PEAK1: variants seen among roughly 807,000 people sequenced by gnomAD.
PEAK1 encodes the protein inactive tyrosine-protein kinase PEAK1.
In PEAK1, 54 loss-of-function variants were observed where a neutral mutation model predicts 124.7. That is an observed-to-expected ratio of 0.43 (90% confidence interval 0.35 to 0.54). The LOEUF is 0.54. Ranked by LOEUF, PEAK1 falls within the 20% of genes least tolerant of loss-of-function variation. The pLI, the probability that PEAK1 is intolerant of heterozygous loss-of-function variation, is 0.01. For synonymous variants in PEAK1, 719 were observed against 760.0 expected (o/e 0.95, Z 0.89); for missense variants, 2,046 against 2,134.5 (o/e 0.96, Z 0.82).
At chr15:77,367,309 A>C (rs1167111405) in intron 1 of PEAK1, among the ~76,000 whole-genome samples, 3 of 152,180 alleles carry the variant, frequency 2.0e-5, no homozygotes, top group African/African-American at 7.2e-5. Context: ...TATACGATTC[A>C]AGAACAGGTA....
chr15:77,401,655 A>G, intron 1 of PEAK1: 1 of 985,174 alleles, frequency 1.0e-6, no homozygotes, highest in Non-Finnish European at 1.2e-6. Context: ...TAGAACTTCA[A>G]TGGACATTGC....
At chr15:77,250,502 A>T (rs559410272) in intron 6 of PEAK1, among the ~76,000 whole-genome samples, 22 of 151,454 alleles carry the variant, frequency 1.5e-4, no homozygotes, top group African/African-American at 5.3e-4. Flanking sequence ...GCGCAATCTC[A>T]GCTCACTGTA....
chr15:77,314,110 G>A (rs1014626052), intron 2 of PEAK1, among the ~76,000 whole-genome samples: 12 of 151,988 alleles, frequency 7.9e-5, no homozygotes, highest in African/African-American at 2.9e-4. Context: ...TTTGTTTAAA[G>A]CATTACAGTA....
chr15:77,236,416 G>A (rs763039062), intron 6 of PEAK1, among the ~76,000 whole-genome samples: 15 of 152,186 alleles, frequency 9.9e-5, no homozygotes, highest in Non-Finnish European at 1.8e-4. Context: ...TATCGTTTCC[G>A]ACTTGCATGA....
intron 7 of PEAK1, among the ~76,000 whole-genome samples, chr15:77,161,692 G>T (rs944381822): frequency 6.6e-6 from 1 of 152,126 alleles, no homozygotes; most frequent in Non-Finnish European, 1.5e-5. Flanking sequence ...GATAAAAGAG[G>T]CCAGGCGCAG....
At chr15:77,226,044 GATATATATATATATATATAT>G (rs1157824212) in intron 6 of PEAK1, among the ~76,000 whole-genome samples, 21 of 44,988 alleles carry the variant, frequency 4.7e-4, no homozygotes, top group South Asian at 1.5e-3. Context: ...AAAATAAAGG[GATATATATATATATATATAT>G]ATATATATAT....
intron 2 of PEAK1, among the ~76,000 whole-genome samples, chr15:77,324,566 A>G (rs536479624): frequency 6.6e-6 from 1 of 152,336 alleles, no homozygotes; most frequent in East Asian, 1.9e-4. Flanking sequence ...TGAGTAATTT[A>G]TAAAGAAAAG....
intron 2 of PEAK1, among the ~76,000 whole-genome samples, chr15:77,344,165 G>A (rs1266542697): frequency 2.6e-5 from 4 of 152,102 alleles, no homozygotes; most frequent in African/African-American, 4.8e-5. Flanking sequence ...CGCCATCTCC[G>A]CTCACTGCAA....
At chr15:77,187,783 C>T (rs769690062) in intron 6 of PEAK1, among the ~76,000 whole-genome samples, 1 of 152,172 alleles carries the variant, frequency 6.6e-6, no homozygotes, top group Non-Finnish European at 1.5e-5. Flanking sequence ...CAGTGAGGAT[C>T]TATTGCCTAT....
At position 77,180,198 on chromosome 15, in the gene PEAK1, T is replaced by C. The variant is rs375264333; in HGVS notation, c.1729A>G (p.Asn577Asp). ...KSAPTSPTAT[N>D]ISSKTIPVKS... ...ACAGGGATGGTTTTGGAGGAAATGTTTGTAGCTGTGGGTGATGTAGGTGCT... is the reference window on the plus strand; with the variant it reads ...ACAGGGATGGTTTTGGAGGAAATGTCTGTAGCTGTGGGTGATGTAGGTGCT... Residue 577 changes from asparagine (N) to aspartate (D), a missense_variant, in exon 7 of 10, where the codon AAC (asparagine) becomes GAC (aspartate). Physicochemically the swap from Asn to Asp is conservative, Grantham distance 23. Transcript: ENST00000682557. 47 of 1,614,038 alleles carry C rather than the reference T, an allele frequency of 2.9e-5. No individual in the cohort carries two copies. Among genetic ancestry groups the C allele is most frequent in the South Asian group, 1.2e-4 (11 of 91,078 alleles).
At chr15:77,358,896 AAC>A (rs1023489037) in intron 2 of PEAK1, among the ~76,000 whole-genome samples, 1 of 152,234 alleles carries the variant, frequency 6.6e-6, no homozygotes, top group Non-Finnish European at 1.5e-5. Context: ...AGGATAAAAT[AAC>A]AGTCTTTACC....
At chr15:77,323,452 A>G (rs1210172776) in intron 2 of PEAK1, among the ~76,000 whole-genome samples, 2 of 152,236 alleles carry the variant, frequency 1.3e-5, no homozygotes, top group African/African-American at 2.4e-5. Flanking sequence ...ACACAAAATC[A>G]ATGTGCAAAA....
intron 2 of PEAK1, among the ~76,000 whole-genome samples, chr15:77,322,622 T>C (rs1410718547): frequency 1.3e-5 from 2 of 152,100 alleles, no homozygotes; most frequent in African/African-American, 2.4e-5. Flanking sequence ...GGCTCTGAAA[T>C]TGAGGCAATA....
At chr15:77,334,634 T>C (rs373483718) in intron 2 of PEAK1, 1 of 985,242 alleles carries the variant, frequency 1.0e-6, no homozygotes, top group African/African-American at 1.7e-5. Flanking sequence ...CAGGAAATAT[T>C]TTCATATTTT....
intron 2 of PEAK1, among the ~76,000 whole-genome samples, chr15:77,319,157 C>T (rs1226339239): frequency 2.0e-5 from 3 of 151,844 alleles, no homozygotes; most frequent in Admixed American, 1.3e-4. Flanking sequence ...ACCTTTTAAA[C>T]TATTCTTACA....
rs555488827 is a variant in PEAK1 at position 77,322,931 on chromosome 15, C to T, written c.-602-36427G>A. ...CCAGCAGCACATCCAAAAGCTTATCCACCATGATCAAGAGGGCTTCATCCC... is the reference window on the plus strand; with the variant it reads ...CCAGCAGCACATCCAAAAGCTTATCTACCATGATCAAGAGGGCTTCATCCC... On this transcript the variant is annotated intron_variant, in intron 2 of 9. Coordinates refer to ENST00000682557, the MANE Select transcript of PEAK1 (RefSeq NM_001385026.1). Among the ~76,000 whole-genome samples, 9 of 152,274 alleles carry T rather than the reference C, an allele frequency of 5.9e-5. No individual in the cohort carries two copies. In the East Asian group the frequency reaches 1.3e-3, roughly 23 times the overall value.
At chr15:77,190,808 T>C (rs1379020377) in intron 6 of PEAK1, among the ~76,000 whole-genome samples, 3 of 152,208 alleles carry the variant, frequency 2.0e-5, no homozygotes, top group Non-Finnish European at 4.4e-5. Flanking sequence ...CCAATGGTAA[T>C]GAAAACTGCA....
At chr15:77,390,247 T>G (rs777937610) in intron 1 of PEAK1, among the ~76,000 whole-genome samples, 4 of 152,226 alleles carry the variant, frequency 2.6e-5, no homozygotes, top group African/African-American at 4.8e-5. Context: ...AGCATCATAT[T>G]CACCTAACTG....
At chr15:77,372,351 C>G (rs2068704372) in intron 1 of PEAK1, among the ~76,000 whole-genome samples, 1 of 152,178 alleles carries the variant, frequency 6.6e-6, no homozygotes, top group South Asian at 2.1e-4. Flanking sequence ...CAGCAATTTA[C>G]TGCATTTTCT....
Sources: gnomAD v4.1 joint callset for allele counts (sites outside exome capture counted in the v4.1 genomes callset) on GRCh38, gnomAD v4.1.1 for gene constraint, MANE v1.5 for transcripts, NCBI Gene and HGNC (gene_info 2026-07-23, HGNC 2026-07-21) for gene names.